RNGTT: variants seen among roughly 807,000 people sequenced by gnomAD.
RNGTT encodes the protein mRNA-capping enzyme.
A neutral mutation model predicts 79.3 loss-of-function variants in RNGTT; 33 were observed. The observed-to-expected ratio is 0.42, with a 90% CI of 0.32 to 0.56. The LOEUF (loss-of-function observed/expected upper bound fraction) is 0.56. Among genes scored for constraint, RNGTT ranks in the 20% least tolerant of loss-of-function variants. RNGTT has a pLI of 0.17. For synonymous variants in RNGTT, 222 were observed against 235.9 expected (o/e 0.94, Z 0.54); for missense variants, 497 against 739.1 (o/e 0.67, Z 3.80).
chr6:88,624,394 T>C (rs11967636), intron 14 of RNGTT, among the ~76,000 whole-genome samples: 4,560 of 151,858 alleles, frequency 0.03, 230 homozygotes, highest in African/African-American at 0.1. Context: ...CATGGATCAG[T>C]GAAACAGAAT....
At chr6:88,959,284 C>G (rs1201418076) in intron 1 of RNGTT, among the ~76,000 whole-genome samples, 2 of 152,170 alleles carry the variant, frequency 1.3e-5, no homozygotes, top group African/African-American at 4.8e-5. Context: ...GCACCAAAAT[C>G]TCAGAAATCA....
At chr6:88,675,179 C>T (rs562566829) in intron 14 of RNGTT, among the ~76,000 whole-genome samples, 33 of 152,072 alleles carry the variant, frequency 2.2e-4, no homozygotes, top group African/African-American at 7.7e-4. Context: ...TGTCTCAACT[C>T]TTTCCTTTTT....
chr6:88,805,885 T>G (rs1779937769), intron 11 of RNGTT, among the ~76,000 whole-genome samples: 1 of 152,162 alleles, frequency 6.6e-6, no homozygotes, highest in Non-Finnish European at 1.5e-5. Flanking sequence ...AACCCTTTTA[T>G]ACTCTAGGCA....
chr6:88,738,839 TACACACACACACAC>T (rs200498670), intron 13 of RNGTT, among the ~76,000 whole-genome samples: 2 of 142,526 alleles, frequency 1.4e-5, no homozygotes, highest in African/African-American at 5.1e-5. Context: ...ATAAATAAAA[TACACACACACACAC>T]ACACACACAC....
intron 14 of RNGTT, among the ~76,000 whole-genome samples, chr6:88,674,556 A>G (rs1774785491): frequency 6.6e-6 from 1 of 152,088 alleles, no homozygotes; most frequent in East Asian, 1.9e-4. Flanking sequence ...CTCAAAAAAA[A>G]GATGTTGATA....
In RNGTT at chr6:88,794,012, A is replaced by G. The variant is rs191769865; in HGVS notation, c.1338+7552T>C. Among the ~76,000 whole-genome samples the G allele has an allele frequency of 1.8e-3, 275 of 152,350 alleles. 7 individuals are homozygous for G. Among genetic ancestry groups the G allele is most frequent in the Admixed American group, 0.016 (239 of 15,304 alleles). ...AATTTTCACCAGGTTATTGGCAGAA[A>G]GAATTTTCAAGTACTGATTTATATC... On this transcript the variant is annotated intron_variant, in intron 12 of 15. Transcript: ENST00000369485.
chr6:88,711,926 C>T (rs1776333061), intron 13 of RNGTT, among the ~76,000 whole-genome samples: 2 of 151,998 alleles, frequency 1.3e-5, no homozygotes. Flanking sequence ...TCTATTTTTA[C>T]CATGAGAAAT....
intron 13 of RNGTT, among the ~76,000 whole-genome samples, chr6:88,691,018 A>G (rs767202715): frequency 3.3e-5 from 5 of 152,166 alleles, no homozygotes; most frequent in African/African-American, 4.8e-5. Context: ...CCTAATACTG[A>G]ACAAAAGAAG....
intron 11 of RNGTT, among the ~76,000 whole-genome samples, chr6:88,811,994 T>C (rs1482091969): frequency 6.6e-6 from 1 of 152,198 alleles, no homozygotes; most frequent in Admixed American, 6.5e-5. Flanking sequence ...TTCTAACTTC[T>C]AGTTCAGGTT....
rs116411588 is a variant in RNGTT, at chr6:88,771,617, T to C, written c.1339-1743A>G. 9.8e-3 allele frequency among the ~76,000 whole-genome samples: 1,483 copies of C among 152,042 alleles called. 17 individuals are homozygous for C. The highest frequency in any genetic ancestry group is 0.034 in the African/African-American group (1,391 of 41,484). ...AGATTTTAATGAGGATTACACTGAA[T>C]CAATCAATAGGTTAGGGAAGAAATG... is the stretch of plus-strand genomic sequence containing the variant. On this transcript the variant is annotated intron_variant, in intron 12 of 15. Transcript: ENST00000369485.
intron 14 of RNGTT, among the ~76,000 whole-genome samples, chr6:88,636,486 A>C (rs1773104199): frequency 6.6e-6 from 1 of 152,054 alleles, no homozygotes; most frequent in Non-Finnish European, 1.5e-5. Flanking sequence ...CTTACTCCAA[A>C]GCTTACTCCA....
chr6:88,700,225 G>T (rs1166386990), intron 13 of RNGTT, among the ~76,000 whole-genome samples: 1 of 152,044 alleles, frequency 6.6e-6, no homozygotes, highest in Non-Finnish European at 1.5e-5. Flanking sequence ...CAATGCTGAG[G>T]TTCCCACAGA....
chr6:88,753,602 A>G (rs1777911141), intron 13 of RNGTT, among the ~76,000 whole-genome samples: 1 of 152,106 alleles, frequency 6.6e-6, no homozygotes, highest in Non-Finnish European at 1.5e-5. Context: ...ACCAATTCCA[A>G]TTAAAATACA....
intron 13 of RNGTT, among the ~76,000 whole-genome samples, chr6:88,727,028 G>C (rs1003188045): frequency 6.6e-6 from 1 of 152,016 alleles, no homozygotes; most frequent in Non-Finnish European, 1.5e-5. Flanking sequence ...ATGTAAAAAG[G>C]AATGTTATAT....
intron 6 of RNGTT, among the ~76,000 whole-genome samples, chr6:88,893,083 T>C (rs1024344479): frequency 3.9e-5 from 6 of 152,110 alleles, no homozygotes; most frequent in African/African-American, 1.4e-4. Flanking sequence ...ATGGCATTTC[T>C]GTTTAAAACC....
At chr6:88,915,401 T>C (rs1049593027) in intron 4 of RNGTT, among the ~76,000 whole-genome samples, 1 of 152,152 alleles carries the variant, frequency 6.6e-6, no homozygotes, top group Non-Finnish European at 1.5e-5. Context: ...GTAAATAAAA[T>C]GCAGTACATA....
At chr6:88,878,379 G>A (rs1257247603) in intron 8 of RNGTT, among the ~76,000 whole-genome samples, 1 of 152,120 alleles carries the variant, frequency 6.6e-6, no homozygotes, top group Non-Finnish European at 1.5e-5. Context: ...TTATAGGCAT[G>A]AGCCACCACG....
At chr6:88,798,347 C>A (rs1035408768) in intron 12 of RNGTT, among the ~76,000 whole-genome samples, 18 of 152,078 alleles carry the variant, frequency 1.2e-4, no homozygotes, top group Admixed American at 1.0e-3. Flanking sequence ...CGCCTATAGT[C>A]CCAGCTACTT....
chr6:88,899,628 G>T (rs1424948474), intron 6 of RNGTT, among the ~76,000 whole-genome samples: 1 of 151,868 alleles, frequency 6.6e-6, no homozygotes. Flanking sequence ...CAATGTTAAA[G>T]AATTCATTTG....
Sources: gnomAD v4.1 joint callset for allele counts (sites outside exome capture counted in the v4.1 genomes callset) on GRCh38, gnomAD v4.1.1 for gene constraint, MANE v1.5 for transcripts, NCBI Gene and HGNC (gene_info 2026-07-23, HGNC 2026-07-21) for gene names.